Variants in MYO9A observed in about 807,000 individuals in gnomAD.
The protein encoded by MYO9A is myosin IXA.
MYO9A carries 103 observed loss-of-function variants against 293.3 expected under a neutral mutation model. That is an observed-to-expected ratio of 0.35 (90% CI 0.30 to 0.41). The LOEUF is 0.41. Ranked by LOEUF, MYO9A falls within the 10% of genes least tolerant of loss-of-function variation. The probability of loss-of-function intolerance (pLI) is 1.00; values close to 1 mark genes in which losing one functional copy is unlikely to be tolerated. For synonymous variants in MYO9A, 1,001 were observed against 1,035.7 expected, an observed-to-expected ratio of 0.97 and a Z score of 0.64; for missense variants, 2,685 against 3,033.0, an observed-to-expected ratio of 0.89 and a Z score of 2.69.
chr15:72,104,157 C>T (rs1354571760), intron 1 of MYO9A, among the ~76,000 whole-genome samples: 1 of 152,162 alleles, frequency 6.6e-6, no homozygotes, highest in Non-Finnish European at 1.5e-5. Context: ...TGCTGGGCAG[C>T]AGCAGAAAGC....
At chr15:71,957,037 T>A (rs760035529) in intron 14 of MYO9A, among the ~76,000 whole-genome samples, 2 of 152,142 alleles carry the variant, frequency 1.3e-5, no homozygotes, top group African/African-American at 4.8e-5. Context: ...TGTTGGCTAT[T>A]AGAAAGATGT....
At chr15:71,919,341 G>A (rs772300277) in intron 18 of MYO9A, among the ~76,000 whole-genome samples, 35 of 151,968 alleles carry the variant, frequency 2.3e-4, no homozygotes, top group Non-Finnish European at 3.8e-4. Flanking sequence ...TTCGGGAGGT[G>A]GAGATAAGGG....
chr15:72,010,314 CT>C (rs1210664848), intron 7 of MYO9A, 35 bp downstream of exon 7: 2 of 1,551,570 alleles, frequency 1.3e-6, no homozygotes, highest in African/African-American at 1.4e-5. Flanking sequence ...CATGTGTTCT[CT>C]ATTAGAGATA....
chr15:71,923,483 G>A (rs1014658365), intron 18 of MYO9A, among the ~76,000 whole-genome samples: 1 of 152,180 alleles, frequency 6.6e-6, no homozygotes, highest in African/African-American at 2.4e-5. Context: ...CAGTGAAGCT[G>A]TCATGTAATG....
At chr15:71,861,961 T>C (rs1171901384) in intron 33 of MYO9A, among the ~76,000 whole-genome samples, 1 of 152,020 alleles carries the variant, frequency 6.6e-6, no homozygotes, top group Non-Finnish European at 1.5e-5. Flanking sequence ...CAAAACCCTG[T>C]CTCTACTAAA....
intron 15 of MYO9A, among the ~76,000 whole-genome samples, chr15:71,946,823 C>T: frequency 6.6e-6 from 1 of 152,186 alleles, no homozygotes; most frequent in South Asian, 2.1e-4. Flanking sequence ...TTTCAAAAAA[C>T]CAGCTTTAGG....
chr15:72,029,432 T>C (rs189222874), intron 3 of MYO9A, among the ~76,000 whole-genome samples: 1 of 152,330 alleles, frequency 6.6e-6, no homozygotes, highest in Non-Finnish European at 1.5e-5. Flanking sequence ...TACAGCATGT[T>C]ACTGCACTGA....
Position 71,825,316 on chromosome 15 carries a change from G to T in MYO9A, c.*1264C>A, listed in dbSNP as rs980601269. ...CCTCATCTGTGGGAAGAAATTCCATGGGAAGGAGGGAAGCACAAGGTTAAA... is the reference window on the plus strand; with the variant it reads ...CCTCATCTGTGGGAAGAAATTCCATTGGAAGGAGGGAAGCACAAGGTTAAA... On this transcript the variant is annotated 3_prime_UTR_variant, in exon 42 of 42. Transcript: ENST00000356056. 1 of 152,110 alleles carries T rather than the reference G, an allele frequency of 6.6e-6. No homozygotes were observed. The highest frequency in any genetic ancestry group is 1.5e-5 in the Non-Finnish European group (1 of 68,028). 9.4% of individuals were successfully genotyped at this position (152,110 alleles called of 1,614,324 possible).
chr15:71,949,976 C>T (rs1465212887), intron 15 of MYO9A, among the ~76,000 whole-genome samples: 1 of 152,046 alleles, frequency 6.6e-6, no homozygotes, highest in Non-Finnish European at 1.5e-5. Flanking sequence ...CTACTTTCTG[C>T]CTACTTTTGG....
intron 39 of MYO9A, among the ~76,000 whole-genome samples, chr15:71,844,009 A>G (rs796841918): frequency 4.6e-5 from 7 of 152,338 alleles, no homozygotes; most frequent in African/African-American, 1.4e-4. Flanking sequence ...TTTGGTTTTA[A>G]CTTAAGGTTT....
chr15:72,034,985 G>T (rs1231766430), intron 2 of MYO9A, among the ~76,000 whole-genome samples: 1 of 152,112 alleles, frequency 6.6e-6, no homozygotes, highest in African/African-American at 2.4e-5. Context: ...AAGTTATATG[G>T]GTGGCAAATA....
At chr15:71,979,488 T>C (rs182188204) in intron 11 of MYO9A, among the ~76,000 whole-genome samples, 65 of 152,324 alleles carry the variant, frequency 4.3e-4, no homozygotes, top group Non-Finnish European at 1.9e-4. Context: ...ATCAATAAGA[T>C]TCCCCTATTT....
chr15:71,965,141 A>G (rs2075840713), intron 13 of MYO9A, among the ~76,000 whole-genome samples: 1 of 151,656 alleles, frequency 6.6e-6, no homozygotes. Context: ...AGTAATTTAT[A>G]TTGTCATTTC....
chr15:72,101,551 C>T (rs1348575984), intron 1 of MYO9A, among the ~76,000 whole-genome samples: 13 of 98,654 alleles, frequency 1.3e-4, no homozygotes, highest in South Asian at 3.7e-4. Context: ...CCGCCCCGTC[C>T]GGGAGGTGAG....
intron 1 of MYO9A, among the ~76,000 whole-genome samples, chr15:72,105,834 A>T (rs1596591916): frequency 6.6e-6 from 1 of 152,140 alleles, no homozygotes; most frequent in East Asian, 1.9e-4. Flanking sequence ...TAATCAATTT[A>T]TTCAATATGT....
intron 39 of MYO9A, among the ~76,000 whole-genome samples, chr15:71,834,552 G>A (rs890742347): frequency 6.6e-6 from 1 of 151,932 alleles, no homozygotes; most frequent in Non-Finnish European, 1.5e-5. Context: ...CAGGTGGATC[G>A]CTTGAGCTCA....
At chr15:71,852,298 C>A in intron 35 of MYO9A, 38 bp from the exon 36 acceptor site, 1 of 1,548,298 alleles carries the variant, frequency 6.5e-7, no homozygotes, top group Non-Finnish European at 8.8e-7. Flanking sequence ...AGAGCCAAAA[C>A]ATGCAAAGAG....
chr15:72,102,669 A>G (rs565614020), intron 1 of MYO9A, among the ~76,000 whole-genome samples: 7 of 152,228 alleles, frequency 4.6e-5, no homozygotes, highest in African/African-American at 1.4e-4. Flanking sequence ...TCTCTAATGG[A>G]GTCTTGGCAA....
chr15:72,099,440 A>AAG (rs1398968399), intron 1 of MYO9A, among the ~76,000 whole-genome samples: 1 of 150,510 alleles, frequency 6.6e-6, no homozygotes, highest in Non-Finnish European at 1.5e-5. Flanking sequence ...AAAAAAAAAA[A>AAG]AAGAAAAAAA....
Sources: gnomAD v4.1 joint callset for allele counts (sites outside exome capture counted in the v4.1 genomes callset) on GRCh38, gnomAD v4.1.1 for gene constraint, MANE v1.5 for transcripts, NCBI Gene and HGNC (gene_info 2026-07-23, HGNC 2026-07-21) for gene names.